Variants in TTC28 observed in about 807,000 individuals in gnomAD.
TTC28 encodes tetratricopeptide repeat protein 28.
A neutral mutation model predicts 198.0 loss-of-function variants in TTC28; 61 were observed. That is an observed-to-expected ratio of 0.31 (90% CI 0.25 to 0.38). The LOEUF is 0.38. Ranked by LOEUF, TTC28 falls within the 10% of genes least tolerant of loss-of-function variation. TTC28 has a pLI of 1.00. For synonymous variants in TTC28, 1,171 were observed against 1,297.8 expected, an observed-to-expected ratio of 0.90 and a Z score of 2.10; for missense variants, 2,678 against 3,164.0, an observed-to-expected ratio of 0.85 and a Z score of 3.69.
At chr22:28,411,869 C>A (rs1193205583) in intron 2 of TTC28, among the ~76,000 whole-genome samples, 1 of 152,188 alleles carries the variant, frequency 6.6e-6, no homozygotes, top group Non-Finnish European at 1.5e-5. Flanking sequence ...AGAATCATAA[C>A]ATACAGGTTC....
At chr22:28,140,941 G>C (rs1243395758) in intron 6 of TTC28, among the ~76,000 whole-genome samples, 1 of 144,930 alleles carries the variant, frequency 6.9e-6, no homozygotes, top group East Asian at 1.9e-4. Flanking sequence ...GGAAGAGGAG[G>C]AGGAGGAGGA....
At chr22:28,190,982 T>C (rs1924683371) in intron 5 of TTC28, among the ~76,000 whole-genome samples, 1 of 152,192 alleles carries the variant, frequency 6.6e-6, no homozygotes, top group African/African-American at 2.4e-5. Flanking sequence ...GAACCTTTGA[T>C]GACTTCCCAG....
chr22:28,321,859 C>T (rs1042857032), intron 2 of TTC28, among the ~76,000 whole-genome samples: 3 of 152,146 alleles, frequency 2.0e-5, no homozygotes, highest in African/African-American at 7.2e-5. Flanking sequence ...ATTTTTGAGA[C>T]TGAGTCTCAC....
chr22:28,635,934 C>T (rs2051262522), intron 1 of TTC28, among the ~76,000 whole-genome samples: 1 of 151,708 alleles, frequency 6.6e-6, no homozygotes. Context: ...AGATTTGTAC[C>T]CCTTAACCAA....
chr22:28,629,787 T>C lies in TTC28; in HGVS notation c.146A>G (p.Asp49Gly). The C allele has an allele frequency of 6.4e-7, 1 of 1,551,696 alleles. No individual in the cohort carries two copies. Among genetic ancestry groups the C allele is most frequent in the Non-Finnish European group, 8.7e-7 (1 of 1,146,974 alleles). ...GADTIGQRSP[D>G]GPVLSKAEFV... The stretch of plus-strand genomic sequence containing the variant: ...TTCAGCTTTGCTCAGTACCGGTCCA[T>C]CAGGACTTCTCTGGCCAATAGTGTC... The change falls in exon 2 of 23, where the codon GAT (aspartate) becomes GGT (glycine). Residue 49 changes from aspartate (D) to glycine (G), a missense_variant. Physicochemically the swap from Asp to Gly is moderately conservative, Grantham distance 94 (BLOSUM62 -1). Coordinates refer to ENST00000397906, the MANE Select transcript of TTC28 (RefSeq NM_001145418.2).
chr22:28,477,321 A>G (rs2048180819), intron 2 of TTC28, among the ~76,000 whole-genome samples: 1 of 152,214 alleles, frequency 6.6e-6, no homozygotes, highest in East Asian at 1.9e-4. Context: ...CAAACCCAGC[A>G]TGACTTCCCA....
chr22:28,649,354 C>T (rs567368187), intron 1 of TTC28, among the ~76,000 whole-genome samples: 1 of 151,882 alleles, frequency 6.6e-6, no homozygotes, highest in Admixed American at 6.6e-5. Context: ...TGACTTGTAC[C>T]CCAAAAGCTA....
At chr22:28,151,901 C>T (rs1028731051) in intron 6 of TTC28, among the ~76,000 whole-genome samples, 1 of 152,068 alleles carries the variant, frequency 6.6e-6, no homozygotes, top group African/African-American at 2.4e-5. Context: ...GTTTGGCTTC[C>T]TACATCAAGG....
intron 12 of TTC28, among the ~76,000 whole-genome samples, chr22:28,078,072 C>T (rs1202676604): frequency 2.0e-5 from 3 of 152,206 alleles, no homozygotes; most frequent in South Asian, 2.1e-4. Flanking sequence ...TTTCAATCTA[C>T]GCCTCTTTTG....
intron 2 of TTC28, among the ~76,000 whole-genome samples, chr22:28,408,396 A>AT (rs531484059): frequency 1.0e-3 from 145 of 144,924 alleles, no homozygotes; most frequent in Middle Eastern, 3.6e-3. Context: ...CCCAACTTTC[A>AT]TTTTTTTTTT....
intron 2 of TTC28, among the ~76,000 whole-genome samples, chr22:28,336,174 T>A (rs1006546786): frequency 5.9e-5 from 9 of 152,228 alleles, no homozygotes; most frequent in Non-Finnish European, 8.8e-5. Flanking sequence ...CAGCCTTGCA[T>A]CCCAGGGATG....
At chr22:28,087,502 G>T (rs1476222473) in intron 12 of TTC28, among the ~76,000 whole-genome samples, 1 of 152,042 alleles carries the variant, frequency 6.6e-6, no homozygotes, top group Non-Finnish European at 1.5e-5. Flanking sequence ...GGTATTGATG[G>T]GACGTATCTC....
At chr22:28,138,708 A>C (rs1439084510) in intron 6 of TTC28, among the ~76,000 whole-genome samples, 1 of 152,200 alleles carries the variant, frequency 6.6e-6, no homozygotes, top group African/African-American at 2.4e-5. Flanking sequence ...CACAGGCAGT[A>C]CGTGAGAGAC....
At chr22:28,547,205 T>G (rs986145396) in intron 2 of TTC28, among the ~76,000 whole-genome samples, 6 of 150,582 alleles carry the variant, frequency 4.0e-5, no homozygotes, top group African/African-American at 1.5e-4. Context: ...TGTGTGTATG[T>G]GTGTGTGTGA....
chr22:28,284,108 T>C (rs1322866088), intron 5 of TTC28, among the ~76,000 whole-genome samples: 2 of 152,178 alleles, frequency 1.3e-5, no homozygotes, highest in Admixed American at 6.5e-5. Context: ...CATAGGAGGT[T>C]TGCCAGGAGA....
intron 5 of TTC28, among the ~76,000 whole-genome samples, chr22:28,253,167 A>G (rs909013596): frequency 6.6e-5 from 10 of 152,220 alleles, no homozygotes; most frequent in South Asian, 4.1e-4. Flanking sequence ...AAGCAATCAT[A>G]TAAAACAATA....
chr22:28,239,788 G>C (rs1296365896), intron 5 of TTC28, among the ~76,000 whole-genome samples: 1 of 152,226 alleles, frequency 6.6e-6, no homozygotes, highest in East Asian at 1.9e-4. Context: ...ATGAAGATGA[G>C]GACCTTGAGC....
chr22:28,042,883 TGAG>T (rs1305160410), intron 12 of TTC28, among the ~76,000 whole-genome samples: 2 of 151,964 alleles, frequency 1.3e-5, no homozygotes, highest in East Asian at 1.9e-4. Flanking sequence ...ACGTTGGGGA[TGAG>T]GAGAAGGGGC....
intron 5 of TTC28, among the ~76,000 whole-genome samples, chr22:28,214,233 T>C (rs1385622545): frequency 6.6e-6 from 1 of 152,218 alleles, no homozygotes; most frequent in Non-Finnish European, 1.5e-5. Flanking sequence ...AAGGACTTCA[T>C]GTCTAAAACA....
Sources: gnomAD v4.1 joint callset for allele counts (sites outside exome capture counted in the v4.1 genomes callset) on GRCh38, gnomAD v4.1.1 for gene constraint, MANE v1.5 for transcripts, NCBI Gene and HGNC (gene_info 2026-07-23, HGNC 2026-07-21) for gene names.